Variants in SPNS3 observed in about 807,000 individuals in gnomAD.
SPNS3 encodes the protein protein spinster homolog 3.
Under a neutral mutation model 54.4 loss-of-function variants are expected in SPNS3, and 51 were observed. That is an observed-to-expected ratio of 0.94 (90% CI 0.75 to 1.18). SPNS3 has a LOEUF of 1.18. SPNS3 is among the 50% of genes most tolerant of loss of function. The pLI is 0.00. For missense variants in SPNS3, 669 were observed against 677.4 expected (o/e 0.99, Z 0.14); for synonymous variants, 309 against 294.7 (o/e 1.05, Z -0.50).
intron 9 of SPNS3, among the ~76,000 whole-genome samples, chr17:4,485,678 G>A (rs1178364169): frequency 2.0e-5 from 3 of 152,146 alleles, no homozygotes; most frequent in Non-Finnish European, 4.4e-5. Context: ...TTACAGACGT[G>A]AGCCACCGCG....
At chr17:4,464,261 C>T (rs1971620005) in intron 8 of SPNS3, among the ~76,000 whole-genome samples, 1 of 152,220 alleles carries the variant, frequency 6.6e-6, no homozygotes, top group South Asian at 2.1e-4. Flanking sequence ...TAATTAGGGT[C>T]CAGACACGCA....
intron 8 of SPNS3, among the ~76,000 whole-genome samples, chr17:4,477,517 C>T (rs529799973): frequency 2.0e-4 from 31 of 152,304 alleles, no homozygotes; most frequent in African/African-American, 7.5e-4. Context: ...CTTGCTGCTT[C>T]ATTAAACTCT....
chr17:4,454,090 G>A (rs1230839032), intron 8 of SPNS3, among the ~76,000 whole-genome samples: 1 of 152,096 alleles, frequency 6.6e-6, no homozygotes, highest in Non-Finnish European at 1.5e-5. Flanking sequence ...TCCTCCAAAA[G>A]CCTTCCCCTA....
rs60615216 is a variant in SPNS3 at position 4,448,864 on chromosome 17, G to C, written c.771-371G>C. Among the ~76,000 whole-genome samples, 1,393 of 152,316 alleles carry C rather than the reference G, an allele frequency of 9.1e-3. 16 individuals carry two copies. The highest frequency in any genetic ancestry group is 0.032 in the African/African-American group (1,341 of 41,566). The stretch of plus-strand genomic sequence containing the variant: ...CTCAGAGGAAGACAGGGCAGGCAGG[G>C]ACAGCTTCCTGGAGAATGTGATGCT... On this transcript the variant is annotated intron_variant, in intron 6 of 11. Transcript: ENST00000355530.
rs781068925 is a variant in SPNS3, at chr17:4,448,169, G to A, written c.636G>A (p.Leu212=). The A allele has an allele frequency of 9.4e-6, 15 of 1,594,130 alleles. No homozygotes were observed. Among genetic ancestry groups the A allele is most frequent in the Admixed American group, 1.8e-5 (1 of 56,198 alleles). ...CCTGTCCCCAGGTCATGCCCTGCCT[G>A]GAGGCCGTGGCCTTGATCCTGCTTA... is the stretch of plus-strand genomic sequence containing the variant. ...WRWALRVMPC[L]EAVALILLIL... The change falls in exon 6 of 12, where the codon CTG becomes CTA. Residue 212 remains leucine (L), a synonymous_variant. Coordinates refer to ENST00000355530, the MANE Select transcript of SPNS3 (RefSeq NM_182538.5).
intron 7 of SPNS3, among the ~76,000 whole-genome samples, chr17:4,449,701 T>C (rs142003952): frequency 0.02 from 3,007 of 152,098 alleles, 44 homozygotes; most frequent in Middle Eastern, 0.044. Flanking sequence ...TGTGGGGCTG[T>C]GGGATGAGAG....
At chr17:4,484,415 G>A (rs1972254556) in intron 9 of SPNS3, among the ~76,000 whole-genome samples, 1 of 152,070 alleles carries the variant, frequency 6.6e-6, no homozygotes, top group Non-Finnish European at 1.5e-5. Context: ...CCACCTCCCG[G>A]GTTCAAGCGA....
At chr17:4,467,294 G>A (rs12941725) in intron 8 of SPNS3, among the ~76,000 whole-genome samples, 32 of 152,088 alleles carry the variant, frequency 2.1e-4, no homozygotes, top group Non-Finnish European at 3.5e-4. Context: ...GGTTGTATCC[G>A]GAATCTACTG....
At chr17:4,485,307 A>G (rs1403743352) in intron 9 of SPNS3, 1 of 152,234 alleles carries the variant, frequency 6.6e-6, no homozygotes, top group Non-Finnish European at 1.5e-5. Context: ...TGAGGGAAGA[A>G]AGGTGAAACA....
At position 4,481,883 on chromosome 17, in the gene SPNS3, TCTC is replaced by T. The variant is rs750599008; in HGVS notation, c.1179+3247_1179+3249del. 2.0e-3 allele frequency: 290 copies of T among 147,792 alleles called. 10 individuals are homozygous for T. The highest frequency in any genetic ancestry group is 3.5e-3 in the Middle Eastern group (1 of 282). The allele number at this position is 147,792 out of a possible 1,614,324, so 9.2% of individuals were successfully genotyped here. On this transcript the variant is annotated intron_variant, in intron 9 of 11. Transcript: ENST00000355530. ...CTTCCTTGGGACACTGCTCTCTCTC[TCTC>T]TTTTTTTTTTTTTTTACTTTTGAGA...
rs765680275 is a variant in SPNS3 at position 4,449,218 on chromosome 17, G to T, written c.771-17G>T. ...CCAGCCCTCTCCCAACTCCAGCTGGGGCACCTCGTCTTGCAGCTGGAGTTT... is the reference window on the plus strand; with the variant it reads ...CCAGCCCTCTCCCAACTCCAGCTGGTGCACCTCGTCTTGCAGCTGGAGTTT... On this transcript the variant is annotated splice_polypyrimidine_tract_variant and intron_variant, in intron 6 of 11. Coordinates refer to ENST00000355530, the MANE Select transcript of SPNS3 (RefSeq NM_182538.5). The T allele has an allele frequency of 6.2e-7, 1 of 1,608,080 alleles. No homozygotes were observed.
intron 7 of SPNS3, among the ~76,000 whole-genome samples, chr17:4,450,232 A>G (rs1444205839): frequency 6.8e-6 from 1 of 146,320 alleles, no homozygotes; most frequent in East Asian, 2.1e-4. Flanking sequence ...ACCCACGCCT[A>G]CCTTCTCCTT....
At position 4,486,422 on chromosome 17, in the gene SPNS3, T is replaced by A; in HGVS notation, c.1289T>A (p.Val430Asp). The A allele has an allele frequency of 6.2e-7, 1 of 1,608,312 alleles. No homozygotes were observed. Among genetic ancestry groups the A allele is most frequent in the South Asian group, 1.1e-5 (1 of 90,664 alleles). The change falls in exon 11 of 12, where the codon GTC becomes GAC. Residue 430 changes from valine to aspartate, a missense_variant. Val to Asp is a radical substitution (Grantham distance 152). Transcript: ENST00000355530. The surrounding 1 kb of genome is among the most constrained non-coding windows in gnomAD (Gnocchi z 5.5). ...CCTTCTCCTCCGCAGATCTCTAGTG[T>A]CCTGCGGGCCAGGCGCCCTGACTCC... ...SPYLTGLISS[V>D]LRARRPDSYL...
chr17:4,487,978 C>A lies in SPNS3; in HGVS notation c.*84C>A. 1.6e-6 allele frequency: 2 copies of A among 1,217,906 alleles called. No individual in the cohort carries two copies. The highest frequency in any genetic ancestry group is 2.4e-6 in the Non-Finnish European group (2 of 832,694). 75.4% of individuals were successfully genotyped at this position (1,217,906 alleles called of 1,614,324 possible). ...GCCTCGGTTCCTCTTTGGCTGTCCT[C>A]GGGGACTCCGGCTGAGGCACATCTG... On this transcript the variant is annotated 3_prime_UTR_variant, in exon 12 of 12. Coordinates refer to ENST00000355530, the MANE Select transcript of SPNS3 (RefSeq NM_182538.5).
intron 8 of SPNS3, among the ~76,000 whole-genome samples, chr17:4,471,931 T>C (rs1366655854): frequency 6.6e-6 from 1 of 151,938 alleles, no homozygotes; most frequent in Non-Finnish European, 1.5e-5. Flanking sequence ...CAATCTCAGC[T>C]CTCTGCAACC....
intron 8 of SPNS3, among the ~76,000 whole-genome samples, chr17:4,462,738 A>T (rs1400827102): frequency 3.6e-3 from 4 of 1,096 alleles, no homozygotes; most frequent in African/African-American, 0.017. Flanking sequence ...CCCATCCACC[A>T]ATCCATCCAT....
intron 4 of SPNS3, chr17:4,446,519 G>A (rs1970991788): frequency 2.0e-6 from 1 of 493,456 alleles, no homozygotes; most frequent in Non-Finnish European, 3.7e-6. Flanking sequence ...GCGTGTTAGG[G>A]CCAGGCCCTG....
At position 4,446,067 on chromosome 17, in the gene SPNS3, T is replaced by C. The variant is rs1970977436; in HGVS notation, c.422T>C (p.Leu141Pro). 6.2e-7 allele frequency: 1 copy of C among 1,609,720 alleles called. No individual in the cohort carries two copies. Among genetic ancestry groups the C allele is most frequent in the Non-Finnish European group, 8.5e-7 (1 of 1,176,960 alleles). ...ISPRYSWLFF[L>P]SRGIVGTGSA... Reference sequence around the variant, plus strand: ...GCCCAGTATTCTTGGCTCTTCTTCCTGTCCCGGGGCATCGTGGGCACTGGC... The same window carrying C: ...GCCCAGTATTCTTGGCTCTTCTTCCCGTCCCGGGGCATCGTGGGCACTGGC... Residue 141 changes from leucine (L) to proline (P), a missense_variant, in exon 4 of 12, where the codon CTG becomes CCG. By Grantham distance (98) the Leu-to-Pro change is moderately conservative. Coordinates refer to ENST00000355530, the MANE Select transcript of SPNS3 (RefSeq NM_182538.5).
Position 4,439,731 on chromosome 17 carries a change from G to A in SPNS3, c.265+8G>A. On this transcript the variant is annotated splice_region_variant and intron_variant, in intron 2 of 11. Transcript: ENST00000355530. ...CTGGTTTGCTTCAGACTGGTAAGGA[G>A]GAGCCCTGGCTCTGGAGCCGGGGCC... 1 of 1,610,560 alleles carries A rather than the reference G, an allele frequency of 6.2e-7. No individual in the cohort carries two copies. Among genetic ancestry groups the A allele is most frequent in the East Asian group, 2.2e-5 (1 of 44,838 alleles).
Sources: gnomAD v4.1 joint callset for allele counts (sites outside exome capture counted in the v4.1 genomes callset) on GRCh38, gnomAD v4.1.1 for gene constraint, Gnocchi (gnomAD v3.1) non-coding constraint, MANE v1.5 for transcripts, NCBI Gene and HGNC (gene_info 2026-07-23, HGNC 2026-07-21) for gene names.